ECI2: variants seen among roughly 807,000 people sequenced by gnomAD.
The protein encoded by ECI2 is D3,D2-enoyl-CoA isomerase.
In ECI2, 27 loss-of-function variants were observed where a neutral mutation model predicts 38.4. The observed-to-expected ratio is 0.70, with a 90% CI of 0.52 to 0.97. ECI2 has a LOEUF of 0.97. Ranked by LOEUF, ECI2 falls within the 50% of genes least tolerant of loss-of-function variation. The pLI, the probability that ECI2 is intolerant of heterozygous loss-of-function variation, is 0.00. For missense variants in ECI2, 470 were observed against 474.4 expected, an observed-to-expected ratio of 0.99 and a Z score of 0.09; for synonymous variants, 168 against 172.0, an observed-to-expected ratio of 0.98 and a Z score of 0.18.
At chr6:4,134,426 C>T (rs1018478802) in intron 1 of ECI2, among the ~76,000 whole-genome samples, 3 of 152,136 alleles carry the variant, frequency 2.0e-5, no homozygotes, top group Non-Finnish European at 4.4e-5. Flanking sequence ...CGGGGGTGAT[C>T]AGCACGTTTT....
At chr6:4,121,967 T>G (rs1489833730) in intron 7 of ECI2, 3 of 1,581,868 alleles carry the variant, frequency 1.9e-6, no homozygotes, top group Non-Finnish European at 1.7e-6. Flanking sequence ...TTCAAAAAAA[T>G]GTACCCAGAA....
intron 7 of ECI2, among the ~76,000 whole-genome samples, chr6:4,121,635 T>G (rs1309346170): frequency 2.0e-5 from 3 of 152,058 alleles, no homozygotes; most frequent in African/African-American, 7.2e-5. Context: ...GTTTTTTTGG[T>G]TGGCTTTAAC....
rs749297618 is a variant in ECI2, at chr6:4,117,384, G to A, written c.953C>T (p.Thr318Ile). 4 of 1,614,072 alleles carry A rather than the reference G, an allele frequency of 2.5e-6. No individual in the cohort carries two copies. Among genetic ancestry groups the A allele is most frequent in the Non-Finnish European group, 3.4e-6 (4 of 1,179,972 alleles). ...AAAAGTGCTATCAGGGAAAACTTCA[G>A]TAACAAGTCCTTGAGCACATGCCTC... Reference protein sequence around the residue: ...AGEACAQGLVTEVFPDSTFQK... With the variant: ...AGEACAQGLVIEVFPDSTFQK... The change falls in exon 9 of 10, where the codon ACT (threonine) becomes ATT (isoleucine). Residue 318 changes from threonine (T) to isoleucine (I), a missense_variant. Thr to Ile is a moderately conservative substitution (Grantham distance 89). Transcript: ENST00000380118.
intron 6 of ECI2, 67 bp from the exon 7 acceptor site, chr6:4,125,437 A>C (rs1412781147): frequency 8.8e-6 from 14 of 1,596,242 alleles, no homozygotes; most frequent in Non-Finnish European, 1.2e-5. Context: ...TGGGCAAGAC[A>C]GTCTGACTCT....
At chr6:4,120,623 AG>A (rs1772667310) in intron 7 of ECI2, among the ~76,000 whole-genome samples, 1 of 151,924 alleles carries the variant, frequency 6.6e-6, no homozygotes, top group Non-Finnish European at 1.5e-5. Context: ...GCTACTCGGG[AG>A]GCTGAGGCAC....
intron 9 of ECI2, 150 bp downstream of exon 9, chr6:4,117,158 A>G (rs2113964418): frequency 2.1e-6 from 2 of 973,970 alleles, no homozygotes; most frequent in Non-Finnish European, 2.9e-6. Flanking sequence ...CAACATTACT[A>G]CAGTTATTTT....
Position 4,117,411 on chromosome 6 carries a change from C to G in ECI2, c.926G>C (p.Gly309Ala). The G allele has an allele frequency of 1.2e-6, 2 of 1,613,840 alleles. No homozygotes were observed. The highest frequency in any genetic ancestry group is 8.5e-7 in the Non-Finnish European group (1 of 1,179,956). Residue 309 changes from glycine (G) to alanine (A), a missense_variant, in exon 9 of 10, where the codon GGA (glycine) becomes GCA (alanine). Transcript: ENST00000380118. ...AACAAGTCCTTGAGCACATGCCTCT[C>G]CCGCTGTTAACTTCTTTCCAAAAAT... ...MLIFGKKLTAGEACAQGLVTE... is the reference protein window; with the variant it reads ...MLIFGKKLTAAEACAQGLVTE...
At chr6:4,122,324 G>A (rs1215449716) in intron 7 of ECI2, among the ~76,000 whole-genome samples, 4 of 151,680 alleles carry the variant, frequency 2.6e-5, no homozygotes, top group African/African-American at 4.8e-5. Context: ...GGGTTCAAGC[G>A]ATTCTCCTGC....
intron 6 of ECI2, chr6:4,125,913 C>T: frequency 1.5e-6 from 1 of 658,014 alleles, no homozygotes; most frequent in East Asian, 3.0e-5. Flanking sequence ...GTTTTCCAGT[C>T]AAATCTCATG....
At chr6:4,119,041 AAACTCTT>A (rs1772478835) in intron 8 of ECI2, 138 bp downstream of exon 8, 4 of 658,360 alleles carry the variant, frequency 6.1e-6, no homozygotes, top group Non-Finnish European at 9.9e-6. Context: ...TCCATTGGTA[AAACTCTT>A]AAAGAGTTGA....
In ECI2 at chr6:4,119,244, C is replaced by G. The variant is rs758362622; in HGVS notation, c.827G>C (p.Gly276Ala). The change falls in exon 8 of 10, where the codon GGC becomes GCC. Residue 276 changes from glycine to alanine, a missense_variant. Gly to Ala is a moderately conservative substitution (Grantham distance 60). Transcript: ENST00000380118. The stretch of plus-strand genomic sequence containing the variant: ...AGAGGAGCATCCTTCCGGACTTTGG[C>G]CTAGGTGACTAAATGGTGTATGAAA... ...ATFHTPFSHLGQSPEGCSSYT... is the reference protein window; with the variant it reads ...ATFHTPFSHLAQSPEGCSSYT... 1.9e-6 allele frequency: 3 copies of G among 1,613,418 alleles called. No individual in the cohort carries two copies. The Admixed American group carries it at 5.0e-5, about 27-fold the overall frequency.
At chr6:4,121,622 G>T (rs1581970758) in intron 7 of ECI2, among the ~76,000 whole-genome samples, 1 of 150,212 alleles carries the variant, frequency 6.7e-6, no homozygotes. Flanking sequence ...TTTTGCCCCA[G>T]TGGTTTTTTT....
At chr6:4,130,701 C>A in intron 3 of ECI2, 66 bp downstream of exon 3, 1 of 1,605,436 alleles carries the variant, frequency 6.2e-7, no homozygotes, top group Admixed American at 1.7e-5. Context: ...TTTACAATGG[C>A]TTAATGAGAA....
chr6:4,135,562 C>T lies in ECI2; in HGVS notation c.-2G>A, dbSNP rs754728422. 11 of 1,603,802 alleles carry T rather than the reference C, an allele frequency of 6.9e-6. No individual in the cohort carries two copies. The highest frequency in any genetic ancestry group is 8.5e-7 in the Non-Finnish European group (1 of 1,175,672). On this transcript the variant is annotated 5_prime_UTR_variant, in exon 1 of 10. Transcript: ENST00000380118. ...CCAAGCCAAGTACGCCATCGCCATC[C>T]CTTGGGCGGCTCTAGGGCTGCGGGG...
chr6:4,130,890 G>A (rs1446579815), intron 2 of ECI2, 25 bp from the exon 3 acceptor site: 2 of 1,604,778 alleles, frequency 1.2e-6, no homozygotes, highest in South Asian at 1.1e-5. Context: ...GGGGCAATAT[G>A]TTCAAATGTC....
In ECI2 at chr6:4,129,897, G is replaced by A. The variant is rs146656599; in HGVS notation, c.501+475C>T. ...GAGAGATTCAAAGACTAACGTTACC[G>A]AGTGAAGCAGCTACTTTAAAGCGGA... is the stretch of plus-strand genomic sequence containing the variant. On this transcript the variant is annotated intron_variant, in intron 4 of 9. Coordinates refer to ENST00000380118, the MANE Select transcript of ECI2 (RefSeq NM_206836.3). Among the ~76,000 whole-genome samples the A allele has an allele frequency of 2.4e-3, 365 of 152,022 alleles. 3 individuals are homozygous for A. Among genetic ancestry groups the A allele is most frequent in the African/African-American group, 7.8e-3 (322 of 41,472 alleles).
Position 4,135,500 on chromosome 6 carries a change from T to G in ECI2, c.50+11A>C. ...CGACCATGGGCCGAACGGCCGGGAC[T>G]CCAAGCTTACCTCGGACACGAACGC... On this transcript the variant is annotated intron_variant, in intron 1 of 9. Coordinates refer to ENST00000380118, the MANE Select transcript of ECI2 (RefSeq NM_206836.3). The G allele has an allele frequency of 6.3e-7, 1 of 1,596,260 alleles. No homozygotes were observed. Among genetic ancestry groups the G allele is most frequent in the Non-Finnish European group, 8.5e-7 (1 of 1,171,092 alleles).
intron 1 of ECI2, among the ~76,000 whole-genome samples, chr6:4,134,166 T>C (rs951482980): frequency 2.6e-5 from 4 of 152,222 alleles, no homozygotes; most frequent in African/African-American, 9.6e-5. Flanking sequence ...GCCTCTTTGC[T>C]GGCGAAGCTG....
intron 7 of ECI2, among the ~76,000 whole-genome samples, chr6:4,121,238 A>G (rs1217314937): frequency 6.6e-6 from 1 of 152,234 alleles, no homozygotes; most frequent in Non-Finnish European, 1.5e-5. Flanking sequence ...CTTATTAGAC[A>G]TACGTATATT....
Sources: allele counts gnomAD v4.1 joint callset (sites outside exome capture counted in the v4.1 genomes callset), GRCh38; gene constraint gnomAD v4.1.1; transcripts MANE v1.5; gene names NCBI Gene and HGNC (gene_info 2026-07-23, HGNC 2026-07-21).